Variants in IQCK observed in about 807,000 individuals in gnomAD.
IQCK encodes the protein IQ motif containing K.
IQCK carries 29 observed loss-of-function variants against 28.1 expected under a neutral mutation model. The ratio of observed to expected loss-of-function variants is 1.03; its 90% CI spans 0.77 to 1.41. IQCK has a LOEUF of 1.41. Ranked by LOEUF, IQCK falls within the 40% of genes most tolerant of loss-of-function variation. The pLI is 0.00. For synonymous variants in IQCK, 113 were observed against 115.1 expected (o/e 0.98, Z 0.12); for missense variants, 359 against 314.7 (o/e 1.14, Z -1.07).
rs1039896437 is a variant in IQCK at position 19,775,337 on chromosome 16, T to C, written c.605+11225T>C. On this transcript the variant is annotated intron_variant, in intron 6 of 7. Transcript: ENST00000564186. The stretch of plus-strand genomic sequence containing the variant: ...CATGACTCAGCTCTTTCCTCAGTTG[T>C]TTTCAATTTTGGGTACCCCTCATAA... Among the ~76,000 whole-genome samples, 8 of 152,180 alleles carry C rather than the reference T, an allele frequency of 5.3e-5. No individual in the cohort carries two copies. In the South Asian group the frequency reaches 1.5e-3, roughly 28 times the overall value.
At chr16:19,738,673 G>A (rs1454960168) in intron 4 of IQCK, among the ~76,000 whole-genome samples, 1 of 152,172 alleles carries the variant, frequency 6.6e-6, no homozygotes, top group Non-Finnish European at 1.5e-5. Context: ...AAGTACTTAG[G>A]CCAGTCCCTG....
chr16:19,718,951 G>C (rs1056690508), intron 1 of IQCK, among the ~76,000 whole-genome samples: 1 of 152,194 alleles, frequency 6.6e-6, no homozygotes, highest in South Asian at 2.1e-4. Flanking sequence ...TGGCCCACAC[G>C]TTCAGTAACC....
Position 19,811,841 on chromosome 16 carries a change from G to C in IQCK, c.691-15185G>C, listed in dbSNP as rs528818457. Among the ~76,000 whole-genome samples the C allele has an allele frequency of 1.3e-3, 200 of 152,160 alleles. 1 individual carries two copies. The highest frequency in any genetic ancestry group is 3.4e-3 in the Middle Eastern group (1 of 294). ...CTTTTCAGATCATTAGAATCACCTA[G>C]GTTTCTTCCTGAACATGCTGAAACC... On this transcript the variant is annotated intron_variant, in intron 7 of 7. Transcript: ENST00000564186.
chr16:19,827,144 T>G lies in IQCK; in HGVS notation c.809T>G (p.Leu270Trp). 6.3e-7 allele frequency: 1 copy of G among 1,579,482 alleles called. No individual in the cohort carries two copies. The highest frequency in any genetic ancestry group is 1.1e-5 in the South Asian group (1 of 90,448). Reference sequence around the variant, plus strand: ...GCCAAGCAAGAACAAAAAGGTAAGTTGCTGGATTCACTGTCCTTAGTTCAT... The same window carrying G: ...GCCAAGCAAGAACAAAAAGGTAAGTGGCTGGATTCACTGTCCTTAGTTCAT... Residue 270 changes from leucine (L) to tryptophan (W), a missense_variant, in exon 8 of 8, where the codon TTG becomes TGG. Physicochemically the swap from Leu to Trp is moderately conservative, Grantham distance 61 (BLOSUM62 -2). Transcript: ENST00000564186.
chr16:19,737,154 C>T (rs181252890), intron 4 of IQCK, among the ~76,000 whole-genome samples: 117 of 152,060 alleles, frequency 7.7e-4, no homozygotes, highest in Non-Finnish European at 1.3e-3. Flanking sequence ...GAGCAAGACC[C>T]TGTCTCCAAA....
intron 6 of IQCK, among the ~76,000 whole-genome samples, chr16:19,776,336 C>T (rs1252414323): frequency 2.0e-5 from 3 of 152,208 alleles, no homozygotes; most frequent in Non-Finnish European, 4.4e-5. Flanking sequence ...TTCTGCTCTA[C>T]TTCCCCTTCT....
intron 4 of IQCK, among the ~76,000 whole-genome samples, chr16:19,742,134 G>A (rs1858974): frequency 0.33 from 50,636 of 152,046 alleles, 12,980 homozygotes; most frequent in African/African-American, 0.72. Flanking sequence ...CTCAACTATT[G>A]AAAGGACAGC....
At chr16:19,785,090 G>A (rs2055544720) in intron 6 of IQCK, among the ~76,000 whole-genome samples, 1 of 152,144 alleles carries the variant, frequency 6.6e-6, no homozygotes, top group South Asian at 2.1e-4. Flanking sequence ...TTTGAATGGA[G>A]ATCAGAAGCA....
chr16:19,748,874 A>G (rs1484978740), intron 4 of IQCK, among the ~76,000 whole-genome samples: 3 of 152,234 alleles, frequency 2.0e-5, no homozygotes, highest in Non-Finnish European at 4.4e-5. Context: ...CAACTGCTAG[A>G]ATCACATCCT....
chr16:19,830,193 A>G (rs2056212724), downstream of IQCK, among the ~76,000 whole-genome samples: 1 of 152,236 alleles, frequency 6.6e-6, no homozygotes, highest in Non-Finnish European at 1.5e-5. Context: ...CCTCTGTTCC[A>G]TGCACAACTG....
At chr16:19,814,033 C>T (rs2055942982) in intron 7 of IQCK, among the ~76,000 whole-genome samples, 1 of 151,790 alleles carries the variant, frequency 6.6e-6, no homozygotes, top group Admixed American at 6.6e-5. Flanking sequence ...GCCTGGCCAA[C>T]GTGGTGAAAC....
chr16:19,763,975 A>C, intron 5 of IQCK, 60 bp from the exon 6 acceptor site: 3 of 1,598,924 alleles, frequency 1.9e-6, no homozygotes. Context: ...AATAGCAACA[A>C]CTGACTTGAA....
At chr16:19,763,560 A>G (rs1260486329) in intron 4 of IQCK, among the ~76,000 whole-genome samples, 2 of 152,160 alleles carry the variant, frequency 1.3e-5, no homozygotes, top group Non-Finnish European at 2.9e-5. Context: ...CTCCTGCCTC[A>G]GCCTCCTGAG....
chr16:19,781,727 G>A (rs1307009472), intron 6 of IQCK, among the ~76,000 whole-genome samples: 1 of 152,140 alleles, frequency 6.6e-6, no homozygotes, highest in Non-Finnish European at 1.5e-5. Context: ...GGTGGCTCAC[G>A]CCTGTAATCC....
Position 19,733,713 on chromosome 16 carries a change from GA to G in IQCK, c.265del (p.Met89CysfsTer19). ...CTGCCTCCAGGTTGCGCCAGTAGAG[GA>G]AATGCTTTTTCATGGCTTCAGTGCA... On this transcript the variant is annotated frameshift_variant, in exon 3 of 8. Coordinates refer to ENST00000564186, the Ensembl canonical transcript of IQCK. LOFTEE classifies it high-confidence loss of function. 2 of 1,614,142 alleles carry G rather than the reference GA, an allele frequency of 1.2e-6. No homozygotes were observed. The highest frequency in any genetic ancestry group is 1.7e-6 in the Non-Finnish European group (2 of 1,180,022).
At chr16:19,771,249 G>A (rs745552326) in intron 6 of IQCK, among the ~76,000 whole-genome samples, 10 of 152,040 alleles carry the variant, frequency 6.6e-5, no homozygotes, top group Non-Finnish European at 1.3e-4. Flanking sequence ...ATGCCATCAC[G>A]GCCAGCTAAT....
chr16:19,801,167 C>CTG (rs745425137), intron 7 of IQCK, among the ~76,000 whole-genome samples: 11 of 135,520 alleles, frequency 8.1e-5, no homozygotes, highest in Middle Eastern at 3.3e-3. Context: ...TGGGTTTGGG[C>CTG]TGTGTGTGTG....
chr16:19,852,422 C>T lies in IQCK; in HGVS notation c.803-4065C>T, dbSNP rs111805679. ...CTACAACATTTAACAAACAAACAAA[C>T]AAACAAACAAACAGAACACTGTCAA... On this transcript the variant is annotated intron_variant, in intron 9 of 9. Coordinates refer to the IQCK transcript ENST00000320394. 1.6e-4 allele frequency among the ~76,000 whole-genome samples: 24 copies of T among 152,040 alleles called. 1 individual carries two copies. The highest frequency in any genetic ancestry group is 5.5e-4 in the African/African-American group (23 of 41,488).
chr16:19,848,404 A>G (rs534046383), intron 9 of IQCK, among the ~76,000 whole-genome samples: 1 of 152,366 alleles, frequency 6.6e-6, no homozygotes, highest in South Asian at 2.1e-4. Context: ...ATTCCGGAAC[A>G]TCCACATTGG....
Sources: allele counts gnomAD v4.1 joint callset (sites outside exome capture counted in the v4.1 genomes callset), GRCh38; gene constraint gnomAD v4.1.1; transcripts MANE v1.5; gene names NCBI Gene and HGNC (gene_info 2026-07-23, HGNC 2026-07-21).